The following PRKCE variants were observed in gnomAD, a reference collection of about 807,000 sequenced individuals.
PRKCE encodes protein kinase C epsilon type.
PRKCE carries 16 observed loss-of-function variants against 85.4 expected under a neutral mutation model. The observed-to-expected ratio is 0.19, with a 90% CI of 0.13 to 0.28. PRKCE has a LOEUF of 0.28. Ranked by LOEUF, PRKCE falls within the 10% of genes least tolerant of loss-of-function variation. PRKCE has a pLI of 1.00. For synonymous variants in PRKCE, 388 were observed against 371.5 expected (o/e 1.04, Z -0.51); for missense variants, 573 against 975.2 (o/e 0.59, Z 5.49).
At chr2:45,898,530 C>T (rs1412617126) in intron 2 of PRKCE, among the ~76,000 whole-genome samples, 1 of 152,200 alleles carries the variant, frequency 6.6e-6, no homozygotes, top group African/African-American at 2.4e-5. Flanking sequence ...CCACACATTG[C>T]TTGAGGACTC....
At chr2:45,933,464 CT>C (rs59991455) in intron 2 of PRKCE, among the ~76,000 whole-genome samples, 388 of 65,312 alleles carry the variant, frequency 5.9e-3, no homozygotes, top group African/African-American at 0.019. Flanking sequence ...CATATGCCTG[CT>C]TTTTTTTTTT....
chr2:46,051,663 T>G (rs1291595950), intron 10 of PRKCE, among the ~76,000 whole-genome samples: 1 of 152,240 alleles, frequency 6.6e-6, no homozygotes, highest in Non-Finnish European at 1.5e-5. Flanking sequence ...TTGTTTTCTC[T>G]ACTTTATTCC....
intron 2 of PRKCE, among the ~76,000 whole-genome samples, chr2:45,954,267 A>C (rs1700825215): frequency 6.6e-6 from 1 of 152,224 alleles, no homozygotes; most frequent in Non-Finnish European, 1.5e-5. Context: ...AATGACAGCT[A>C]ATGGCTTCCT....
At chr2:45,871,903 G>A (rs1694119696) in intron 2 of PRKCE, among the ~76,000 whole-genome samples, 1 of 152,140 alleles carries the variant, frequency 6.6e-6, no homozygotes, top group South Asian at 2.1e-4. Flanking sequence ...GGCAACCTGA[G>A]GAACTTGGAG....
intron 2 of PRKCE, among the ~76,000 whole-genome samples, chr2:45,912,179 G>A (rs1697429885): frequency 6.6e-6 from 1 of 152,114 alleles, no homozygotes; most frequent in African/African-American, 2.4e-5. Flanking sequence ...GTTTTTCAAA[G>A]TACTTTGATA....
intron 10 of PRKCE, among the ~76,000 whole-genome samples, chr2:46,027,705 C>A (rs748997943): frequency 6.6e-6 from 1 of 152,174 alleles, no homozygotes; most frequent in Non-Finnish European, 1.5e-5. Flanking sequence ...GTGTATCATT[C>A]TTTTGCCACT....
intron 1 of PRKCE, among the ~76,000 whole-genome samples, chr2:45,782,586 A>C (rs1001967521): frequency 6.6e-6 from 1 of 152,174 alleles, no homozygotes; most frequent in African/African-American, 2.4e-5. Context: ...GGCAAGACCT[A>C]AGATAGAAAG....
At chr2:46,099,034 T>C (rs1465795574) in intron 11 of PRKCE, among the ~76,000 whole-genome samples, 1 of 152,186 alleles carries the variant, frequency 6.6e-6, no homozygotes, top group Admixed American at 6.5e-5. Flanking sequence ...AGCTAAGGAT[T>C]CATACTGCTA....
chr2:46,180,865 G>A (rs767684782), intron 14 of PRKCE, among the ~76,000 whole-genome samples: 9 of 152,322 alleles, frequency 5.9e-5, no homozygotes, highest in Middle Eastern at 3.4e-3. Context: ...GAGCTCAGCC[G>A]GTGATCTTCC....
intron 10 of PRKCE, among the ~76,000 whole-genome samples, chr2:46,083,603 C>T (rs1395167313): frequency 6.6e-6 from 1 of 152,146 alleles, no homozygotes; most frequent in Admixed American, 6.5e-5. Flanking sequence ...GCTGTACTTC[C>T]CATGTGAAAG....
At chr2:45,653,641 A>G (rs1306219058) in intron 1 of PRKCE, among the ~76,000 whole-genome samples, 4 of 151,938 alleles carry the variant, frequency 2.6e-5, no homozygotes, top group Non-Finnish European at 4.4e-5. Context: ...TCACTTTGGC[A>G]TATCACCTTA....
intron 1 of PRKCE, among the ~76,000 whole-genome samples, chr2:45,788,919 A>C (rs1686825453): frequency 6.6e-6 from 1 of 152,232 alleles, no homozygotes; most frequent in Non-Finnish European, 1.5e-5. Flanking sequence ...CTGGCTGAAT[A>C]TTCAAATAAT....
At chr2:45,869,715 T>TTC (rs1453557949) in intron 2 of PRKCE, among the ~76,000 whole-genome samples, 1 of 146,124 alleles carries the variant, frequency 6.8e-6, no homozygotes, top group Non-Finnish European at 1.5e-5. Flanking sequence ...TCTTTTTTTT[T>TTC]TTTTTTTTTT....
intron 10 of PRKCE, among the ~76,000 whole-genome samples, chr2:46,037,893 G>A (rs972865369): frequency 3.9e-5 from 6 of 152,140 alleles, no homozygotes; most frequent in South Asian, 2.1e-4. Flanking sequence ...GTTGGTTGTC[G>A]TTGGGCAAAT....
At chr2:46,092,199 A>C (rs1670231004) in intron 11 of PRKCE, among the ~76,000 whole-genome samples, 1 of 152,236 alleles carries the variant, frequency 6.6e-6, no homozygotes, top group Admixed American at 6.5e-5. Context: ...GAGGATATGA[A>C]AGCCAGTGGG....
intron 11 of PRKCE, among the ~76,000 whole-genome samples, chr2:46,141,444 C>T (rs182853272): frequency 6.6e-6 from 1 of 152,082 alleles, no homozygotes; most frequent in Non-Finnish European, 1.5e-5. Flanking sequence ...AAAGTATGAT[C>T]AAGAGAATAC....
At chr2:46,129,262 G>A (rs1271695387) in intron 11 of PRKCE, among the ~76,000 whole-genome samples, 1 of 152,170 alleles carries the variant, frequency 6.6e-6, no homozygotes. Flanking sequence ...ACATGTGGAT[G>A]GCAGAAGCCA....
intron 1 of PRKCE, among the ~76,000 whole-genome samples, chr2:45,678,683 A>G (rs1676657769): frequency 6.7e-6 from 1 of 148,234 alleles, no homozygotes; most frequent in South Asian, 2.1e-4. Flanking sequence ...TTATCATGTA[A>G]TTATCTGGAT....
At chr2:45,813,509 A>G (rs144033561) in intron 1 of PRKCE, among the ~76,000 whole-genome samples, 25 of 152,324 alleles carry the variant, frequency 1.6e-4, no homozygotes, top group African/African-American at 4.6e-4. Flanking sequence ...CCACGTGCCC[A>G]GCTCCCTGGC....
Sources: allele counts gnomAD v4.1 joint callset (sites outside exome capture counted in the v4.1 genomes callset), GRCh38; gene constraint gnomAD v4.1.1; transcripts MANE v1.5; gene names NCBI Gene and HGNC (gene_info 2026-07-23, HGNC 2026-07-21).